Variants in SLC45A4 observed in about 807,000 individuals in gnomAD.
SLC45A4 encodes polyamine-transporter SLC45A4.
SLC45A4 carries 32 observed loss-of-function variants against 63.7 expected under a neutral mutation model. The observed-to-expected ratio is 0.50, with a 90% CI of 0.38 to 0.67. SLC45A4 has a LOEUF of 0.67. Ranked by LOEUF, SLC45A4 falls within the 30% of genes least tolerant of loss-of-function variation. SLC45A4 has a pLI of 0.00. For missense variants in SLC45A4, 1,027 were observed against 1,157.7 expected (o/e 0.89, Z 1.64); for synonymous variants, 535 against 510.0 (o/e 1.05, Z -0.66).
At chr8:141,257,145 C>G (rs1828834569) in intron 1 of SLC45A4, among the ~76,000 whole-genome samples, 1 of 152,180 alleles carries the variant, frequency 6.6e-6, no homozygotes, top group Non-Finnish European at 1.5e-5. Flanking sequence ...GGGCACCACA[C>G]CCAGCCAGAA....
intron 4 of SLC45A4, 49 bp from the exon 5 acceptor site, chr8:141,219,078 G>C (rs775612990): frequency 1.9e-6 from 3 of 1,570,112 alleles, no homozygotes; most frequent in African/African-American, 1.4e-5. Flanking sequence ...CCAGGCCACA[G>C]GGGGGGAAGC....
Position 141,227,089 on chromosome 8 carries a change from C to T in SLC45A4, c.242-5324G>A, listed in dbSNP as rs1017917781. ...GGCTCTGACGGGGCATTTCCCAGCC[C>T]GGCTCCAAACACACACAACGCTGGG... On this transcript the variant is annotated intron_variant, in intron 2 of 8. Transcript: ENST00000517878. The surrounding 1 kb of genome is among the most constrained non-coding windows in gnomAD (Gnocchi z 4.4). The T allele has an allele frequency of 2.0e-5, 3 of 152,358 alleles. No homozygotes were observed. Among genetic ancestry groups the T allele is most frequent in the East Asian group, 3.9e-4 (2 of 5,180 alleles). 9.4% of individuals were successfully genotyped at this position (152,358 alleles called of 1,614,324 possible).
At chr8:141,252,889 CTG>C (rs763640042) in intron 2 of SLC45A4, among the ~76,000 whole-genome samples, 1 of 151,208 alleles carries the variant, frequency 6.6e-6, no homozygotes, top group Admixed American at 6.6e-5. Flanking sequence ...TCATATCCAC[CTG>C]TGTGTCTGTG....
At chr8:141,305,696 C>T (rs944333153) in intron 1 of SLC45A4, among the ~76,000 whole-genome samples, 2 of 152,168 alleles carry the variant, frequency 1.3e-5, no homozygotes, top group African/African-American at 4.8e-5. Flanking sequence ...AGCCACTGGG[C>T]GTCAGGACCC....
chr8:141,258,528 G>C (rs904828767), intron 1 of SLC45A4, among the ~76,000 whole-genome samples: 1 of 152,168 alleles, frequency 6.6e-6, no homozygotes, highest in Non-Finnish European at 1.5e-5. Context: ...GGGCCACAGG[G>C]ATGGCCACCA....
rs141477149 is a variant in SLC45A4, at chr8:141,227,481, G to A, written c.242-5716C>T. Among the ~76,000 whole-genome samples the A allele has an allele frequency of 2.0e-5, 3 of 152,344 alleles. No individual in the cohort carries two copies. Among genetic ancestry groups the A allele is most frequent in the East Asian group, 1.9e-4 (1 of 5,186 alleles). On this transcript the variant is annotated intron_variant, in intron 2 of 8. Coordinates refer to ENST00000517878, the MANE Select transcript of SLC45A4 (RefSeq NM_001286646.2). This position sits in a 1 kb window ranked among gnomAD's most constrained non-coding sequence, Gnocchi z 4.4. ...CAAATGCCACAGTGCGGCGAAACTC[G>A]TGAGCACAAGTCCTGCGTGGGAAAG...
Position 141,219,637 on chromosome 8 carries a change from G to A in SLC45A4, c.610+13C>T. ...TGGAACCCGGCCACCCAGCCTTGGT[G>A]CGGCAGCGTTACCGGCAGAGAAGGC... On this transcript the variant is annotated intron_variant, in intron 4 of 8. Transcript: ENST00000517878. 1.3e-6 allele frequency: 2 copies of A among 1,596,184 alleles called. No homozygotes were observed. The highest frequency in any genetic ancestry group is 1.7e-5 in the Admixed American group (1 of 59,134).
intron 2 of SLC45A4, among the ~76,000 whole-genome samples, chr8:141,245,934 C>G (rs1018357893): frequency 2.0e-5 from 3 of 152,196 alleles, no homozygotes; most frequent in Non-Finnish European, 2.9e-5. Context: ...CCAAACAACT[C>G]CTCTACTGAT....
At chr8:141,293,298 C>CA (rs1403463820) in intron 1 of SLC45A4, among the ~76,000 whole-genome samples, 4 of 151,928 alleles carry the variant, frequency 2.6e-5, no homozygotes, top group Non-Finnish European at 5.9e-5. Flanking sequence ...ACTAAAAATA[C>CA]AAAAAACTAG....
chr8:141,250,289 G>A lies in SLC45A4; in HGVS notation c.241+3700C>T, dbSNP rs113394952. ...ATATCTTGAGTCCTCATACACACTG[G>A]TTTTCACTTTGAGTACAGTATTCAA... On this transcript the variant is annotated intron_variant, in intron 2 of 8. Coordinates refer to ENST00000517878, the MANE Select transcript of SLC45A4 (RefSeq NM_001286646.2). Among the ~76,000 whole-genome samples the A allele has an allele frequency of 2.2e-3, 331 of 152,022 alleles. 2 individuals carry two copies. Among genetic ancestry groups the A allele is most frequent in the African/African-American group, 7.7e-3 (321 of 41,454 alleles).
rs1589746409 is a variant in SLC45A4, at chr8:141,207,824, A to T, written c.*3748T>A. ...GGGTGATGGCTGGCTTTGCATGAGG[A>T]GGTGACAAGAACTTTGGGCTGGGCC... On this transcript the variant is annotated 3_prime_UTR_variant, in exon 9 of 9. Transcript: ENST00000517878. 6.6e-6 allele frequency: 1 copy of T among 152,374 alleles called. No homozygotes were observed. The highest frequency in any genetic ancestry group is 2.4e-5 in the African/African-American group (1 of 41,436). The allele number at this position is 152,374 out of a possible 1,614,324, so 9.4% of individuals were successfully genotyped here.
At chr8:141,224,998 ATTTCCAC>A (rs1288783788) in intron 2 of SLC45A4, 1 of 152,198 alleles carries the variant, frequency 6.6e-6, no homozygotes, top group Non-Finnish European at 1.5e-5. Context: ...CAGACCTAGA[ATTTCCAC>A]TTGGCTCTAT....
intron 1 of SLC45A4, among the ~76,000 whole-genome samples, chr8:141,257,636 T>C (rs1828855274): frequency 6.6e-6 from 1 of 152,204 alleles, no homozygotes; most frequent in Non-Finnish European, 1.5e-5. Context: ...ATAAGTAATA[T>C]ATGAATTATT....
chr8:141,230,888 A>C (rs567726408), intron 2 of SLC45A4, among the ~76,000 whole-genome samples: 2 of 152,342 alleles, frequency 1.3e-5, no homozygotes, highest in African/African-American at 4.8e-5. Flanking sequence ...ACGACGCGGA[A>C]CCAGGCCTGC....
Position 141,268,276 on chromosome 8 carries a change from A to G in SLC45A4, c.-400-13647T>C, listed in dbSNP as rs1002749276. ...CTGGAAGAGGCAAAATCAAGCACAC[A>G]GTAAAAGAAGCAGCGGTGACCAGGG... is the stretch of plus-strand genomic sequence containing the variant. On this transcript the variant is annotated intron_variant, in intron 1 of 8. Coordinates refer to ENST00000517878, the MANE Select transcript of SLC45A4 (RefSeq NM_001286646.2). Among the ~76,000 whole-genome samples, 7 of 152,358 alleles carry G rather than the reference A, an allele frequency of 4.6e-5. No individual in the cohort carries two copies. The East Asian group carries it at 1.3e-3, about 29-fold the overall frequency.
intron 2 of SLC45A4, among the ~76,000 whole-genome samples, chr8:141,246,607 G>GAT (rs71322121): frequency 7.9e-4 from 119 of 150,922 alleles, no homozygotes; most frequent in South Asian, 1.0e-3. Flanking sequence ...AATTACTCAA[G>GAT]GGGAGGGCAT....
intron 2 of SLC45A4, 85 bp from the exon 3 acceptor site, chr8:141,221,850 T>G (rs1589772847): frequency 1.4e-6 from 2 of 1,427,978 alleles, no homozygotes; most frequent in East Asian, 4.6e-5. Flanking sequence ...GACAGGCAGG[T>G]GCCTCTGTGT....
At chr8:141,271,168 C>G (rs530614824) in intron 1 of SLC45A4, among the ~76,000 whole-genome samples, 3 of 152,234 alleles carry the variant, frequency 2.0e-5, no homozygotes, top group African/African-American at 2.4e-5. Flanking sequence ...GCTAGGAAAT[C>G]CACTGGAAAC....
At position 141,263,983 on chromosome 8, in the gene SLC45A4, G is replaced by A. The variant is rs570878423; in HGVS notation, c.-400-9354C>T. Among the ~76,000 whole-genome samples the A allele has an allele frequency of 1.2e-4, 19 of 152,208 alleles. No individual in the cohort carries two copies. The Middle Eastern group carries it at 0.017, about 136-fold the overall frequency. ...CTGAAAGGAAAGCTGGTGGCCTCCG[G>A]GTTGGTGCCAGAAGAACCAGTCTGA... On this transcript the variant is annotated intron_variant, in intron 1 of 8. Coordinates refer to ENST00000517878, the MANE Select transcript of SLC45A4 (RefSeq NM_001286646.2).
Sources: allele counts gnomAD v4.1 joint callset (sites outside exome capture counted in the v4.1 genomes callset), GRCh38; gene constraint gnomAD v4.1.1; non-coding constraint Gnocchi (gnomAD v3.1); transcripts MANE v1.5; gene names NCBI Gene and HGNC (gene_info 2026-07-23, HGNC 2026-07-21).